The following SCAI variants were observed in gnomAD, a reference collection of about 807,000 sequenced individuals.
The protein encoded by SCAI is suppressor of cancer cell invasion, also known as protein SCAI.
In SCAI, 24 loss-of-function variants were observed where a neutral mutation model predicts 92.2. The ratio of observed to expected loss-of-function variants is 0.26; its 90% CI spans 0.19 to 0.37. SCAI has a LOEUF of 0.37. Ranked by LOEUF, SCAI falls within the 10% of genes least tolerant of loss-of-function variation. The pLI, the probability that SCAI is intolerant of heterozygous loss-of-function variation, is 1.00. For synonymous variants in SCAI, 261 were observed against 258.6 expected, an observed-to-expected ratio of 1.01 and a Z score of -0.09; for missense variants, 450 against 736.2, an observed-to-expected ratio of 0.61 and a Z score of 4.50.
chr9:124,992,624 TC>T (rs1832152219), intron 14 of SCAI, among the ~76,000 whole-genome samples: 1 of 151,936 alleles, frequency 6.6e-6, no homozygotes, highest in African/African-American at 2.4e-5. Context: ...CCCCAAGTGA[TC>T]CGCCCGCCTC....
intron 2 of SCAI, among the ~76,000 whole-genome samples, chr9:125,058,200 G>A (rs603799): frequency 0.8 from 122,182 of 151,980 alleles, 49,299 homozygotes; most frequent in East Asian, 0.9. Context: ...GGAAATGGAA[G>A]AAGTTAGAAT....
At chr9:125,022,511 A>C (rs1832888678) in intron 6 of SCAI, among the ~76,000 whole-genome samples, 1 of 152,218 alleles carries the variant, frequency 6.6e-6, no homozygotes, top group Non-Finnish European at 1.5e-5. Context: ...TCCTGGGCTC[A>C]AGCAATCCTC....
chr9:125,056,765 C>T (rs896212099), intron 2 of SCAI, among the ~76,000 whole-genome samples: 18 of 152,108 alleles, frequency 1.2e-4, no homozygotes, highest in South Asian at 1.0e-3. Flanking sequence ...ACCTAAAGGC[C>T]CCAAAGACTA....
rs1163859909 is a variant in SCAI, at chr9:124,992,582, C to T, written c.1326+2352G>A. ...AATTTCCAGTAGAGACGGGATTTCACCACGTTGGCCAGGCTGGTTTTGAAC... is the reference window on the plus strand; with the variant it reads ...AATTTCCAGTAGAGACGGGATTTCATCACGTTGGCCAGGCTGGTTTTGAAC... On this transcript the variant is annotated intron_variant, in intron 14 of 17. Coordinates refer to ENST00000336505, the MANE Select transcript of SCAI (RefSeq NM_001144877.3). Among the ~76,000 whole-genome samples the T allele has an allele frequency of 2.6e-5, 4 of 151,730 alleles. No individual in the cohort carries two copies. The East Asian group carries it at 5.8e-4, about 22-fold the overall frequency.
At chr9:125,071,802 G>A (rs544587648) in intron 2 of SCAI, among the ~76,000 whole-genome samples, 72 of 152,282 alleles carry the variant, frequency 4.7e-4, no homozygotes, top group Admixed American at 1.2e-3. Context: ...GTTAATCAGA[G>A]TAAATGTTGG....
At chr9:124,977,499 C>A (rs1334229349) in intron 14 of SCAI, among the ~76,000 whole-genome samples, 1 of 152,008 alleles carries the variant, frequency 6.6e-6, no homozygotes, top group African/African-American at 2.4e-5. Flanking sequence ...AATAGTGAGA[C>A]CCCGACTCTA....
rs1588263362 is a variant in SCAI, at chr9:125,143,495, C to G, written c.-58G>C. ...GCGGCCGCAGGGCTCGCTCGGGAAG[C>G]TGAGGCGGCGGAGGCTGGAGTAGGC... On this transcript the variant is annotated 5_prime_UTR_variant, in exon 1 of 18. Coordinates refer to ENST00000336505, the MANE Select transcript of SCAI (RefSeq NM_001144877.3). 7.7e-7 allele frequency: 1 copy of G among 1,302,056 alleles called. No homozygotes were observed. The highest frequency in any genetic ancestry group is 9.8e-7 in the Non-Finnish European group (1 of 1,022,630). 80.7% of individuals were successfully genotyped at this position (1,302,056 alleles called of 1,614,324 possible). A position where few individuals can be genotyped will look rare whatever the true frequency, so the allele number is the denominator to read the frequency against.
rs938581869 is a variant in SCAI at position 124,943,193 on chromosome 9, T to A, written c.*9614A>T. 6.6e-6 allele frequency: 1 copy of A among 152,224 alleles called. No homozygotes were observed. Among genetic ancestry groups the A allele is most frequent in the Non-Finnish European group, 1.5e-5 (1 of 68,040 alleles). 9.4% of individuals were successfully genotyped at this position (152,224 alleles called of 1,614,324 possible). ...TTTTACAATACCACAAATGTTCAAG[T>A]CAAATGATAGTGACAGTATAATTTT... On this transcript the variant is annotated 3_prime_UTR_variant, in exon 18 of 18. Transcript: ENST00000336505.
intron 2 of SCAI, among the ~76,000 whole-genome samples, chr9:125,078,167 A>G (rs1834134309): frequency 6.6e-6 from 1 of 152,010 alleles, no homozygotes; most frequent in Non-Finnish European, 1.5e-5. Flanking sequence ...TGGATTGCTT[A>G]TATTTCTATT....
intron 9 of SCAI, among the ~76,000 whole-genome samples, chr9:125,017,647 ATCTCATCAT>A (rs1832787882): frequency 6.6e-6 from 1 of 152,126 alleles, no homozygotes; most frequent in Non-Finnish European, 1.5e-5. Context: ...AGTACATTAA[ATCTCATCAT>A]CATGGTGCTA....
At chr9:125,034,361 A>G (rs911652704) in intron 3 of SCAI, among the ~76,000 whole-genome samples, 5 of 152,166 alleles carry the variant, frequency 3.3e-5, no homozygotes, top group African/African-American at 1.2e-4. Flanking sequence ...TGCCTTCCAT[A>G]TAACAGAATG....
At chr9:125,026,459 G>A (rs1030042444) in intron 6 of SCAI, among the ~76,000 whole-genome samples, 18 of 151,764 alleles carry the variant, frequency 1.2e-4, no homozygotes, top group African/African-American at 4.3e-4. Context: ...GTTGTCACCA[G>A]GCTTTTGAAG....
chr9:125,028,228 G>T (rs1833000313), intron 5 of SCAI, among the ~76,000 whole-genome samples, 164 bp downstream of exon 5: 1 of 152,176 alleles, frequency 6.6e-6, no homozygotes, highest in Non-Finnish European at 1.5e-5. Context: ...ACTATGGAAG[G>T]TTATTGCACA....
intron 2 of SCAI, among the ~76,000 whole-genome samples, chr9:125,075,410 T>G (rs1378886295): frequency 2.0e-5 from 3 of 151,750 alleles, no homozygotes; most frequent in African/African-American, 7.3e-5. Context: ...TTTCATTCTT[T>G]CTTTTTTTTT....
Position 125,132,316 on chromosome 9 carries a change from G to A in SCAI, c.98+10317C>T, listed in dbSNP as rs975829326. Among the ~76,000 whole-genome samples, 9 of 151,892 alleles carry A rather than the reference G, an allele frequency of 5.9e-5. No individual in the cohort carries two copies. In the East Asian group the frequency reaches 1.2e-3, roughly 20 times the overall value. On this transcript the variant is annotated intron_variant, in intron 2 of 17. Transcript: ENST00000336505. ...TCTAGTAGAGAAAGGGTTTCATCACGTTAGCCAGGCTGGTCTCAAACTCCT... is the reference window on the plus strand; with the variant it reads ...TCTAGTAGAGAAAGGGTTTCATCACATTAGCCAGGCTGGTCTCAAACTCCT...
At chr9:125,134,502 A>G (rs1414154826) in intron 2 of SCAI, among the ~76,000 whole-genome samples, 1 of 152,164 alleles carries the variant, frequency 6.6e-6, no homozygotes, top group Non-Finnish European at 1.5e-5. Flanking sequence ...AACAACAACA[A>G]AAGCCCCCAA....
chr9:125,112,209 T>C (rs1249919360), intron 2 of SCAI, among the ~76,000 whole-genome samples: 1 of 152,152 alleles, frequency 6.6e-6, no homozygotes, highest in Non-Finnish European at 1.5e-5. Flanking sequence ...CTGATCCACC[T>C]AACAAAGCTT....
intron 9 of SCAI, among the ~76,000 whole-genome samples, chr9:125,005,257 G>A (rs1832479368): frequency 6.6e-6 from 1 of 152,136 alleles, no homozygotes; most frequent in African/African-American, 2.4e-5. Flanking sequence ...AATAAAAGAA[G>A]AGGAATTATT....
At chr9:125,130,936 C>CCTT (rs1554718667) in intron 2 of SCAI, among the ~76,000 whole-genome samples, 3 of 77,274 alleles carry the variant, frequency 3.9e-5, no homozygotes, top group African/African-American at 1.0e-4. Flanking sequence ...GTTTGAACCG[C>CCTT]TTTTTTTTTT....
Sources: allele counts gnomAD v4.1 joint callset (sites outside exome capture counted in the v4.1 genomes callset), GRCh38; gene constraint gnomAD v4.1.1; transcripts MANE v1.5; gene names NCBI Gene and HGNC (gene_info 2026-07-23, HGNC 2026-07-21).